Variants in PTPRS observed in about 807,000 individuals in gnomAD.
PTPRS encodes the protein receptor-type tyrosine-protein phosphatase S.
In PTPRS, 63 loss-of-function variants were observed where a neutral mutation model predicts 215.3. That is an observed-to-expected ratio of 0.29 (90% CI 0.24 to 0.36). PTPRS has a LOEUF of 0.36. Ranked by LOEUF, PTPRS falls within the 10% of genes least tolerant of loss-of-function variation. The pLI is 1.00. For synonymous variants in PTPRS, 1,404 were observed against 1,191.4 expected (o/e 1.18, Z -3.68); for missense variants, 2,258 against 2,825.8 (o/e 0.80, Z 4.56).
intron 1 of PTPRS, among the ~76,000 whole-genome samples, chr19:5,323,736 G>A (rs2050094169): frequency 6.6e-6 from 1 of 152,184 alleles, no homozygotes; most frequent in Non-Finnish European, 1.5e-5. Context: ...GGAGGACTTG[G>A]GGTTTTCCCC....
rs1237159914 is a variant in PTPRS at position 5,238,940 on chromosome 19, G to C, written c.1828C>G (p.Arg610Gly). Residue 610 changes from arginine to glycine, a missense_variant, in exon 13 of 38, where the codon CGG becomes GGG. This residue lies in a region of PTPRS where 371 missense variants were observed against 446.7 expected (regional missense o/e 0.83). Transcript: ENST00000262963. Reference sequence around the variant, plus strand: ...CTACTGGACTGCAGCGTGCGCTGCCGCACCACGGGGGTGAAGGCGCCCAGG... The same window carrying C: ...CTACTGGACTGCAGCGTGCGCTGCCCCACCACGGGGGTGAAGGCGCCCAGG... Reference protein sequence around the residue: ...QGLGAFTPVVRQRTLQSKPSA... With the variant: ...QGLGAFTPVVGQRTLQSKPSA... The C allele has an allele frequency of 1.9e-6, 3 of 1,608,862 alleles. No homozygotes were observed. The highest frequency in any genetic ancestry group is 1.1e-5 in the South Asian group (1 of 90,766).
intron 1 of PTPRS, among the ~76,000 whole-genome samples, chr19:5,312,822 C>G (rs1470802996): frequency 1.3e-5 from 2 of 152,192 alleles, no homozygotes. Context: ...AACTGAGCAT[C>G]GGAGAGGTCA....
chr19:5,245,898 T>C lies in PTPRS; in HGVS notation c.866A>G (p.Asp289Gly), dbSNP rs1399708087. The C allele has an allele frequency of 6.2e-7, 1 of 1,613,842 alleles. No individual in the cohort carries two copies. The highest frequency in any genetic ancestry group is 1.3e-5 in the African/African-American group (1 of 74,910). Residue 289 changes from aspartate to glycine, a missense_variant, in exon 10 of 38, where the codon GAT (aspartate) becomes GGT (glycine). Coordinates refer to ENST00000262963, the MANE Select transcript of PTPRS (RefSeq NM_002850.4). ...MQGAEDLTPE[D>G]DMPVGRNVLE... ...CACGTTCCGACCCACGGGCATGTCA[T>C]CCTCGGGGGTCAGGTCCTCGGCCCC...
At chr19:5,331,297 ATTTT>A (rs60930224) in intron 1 of PTPRS, among the ~76,000 whole-genome samples, 2 of 150,356 alleles carry the variant, frequency 1.3e-5, no homozygotes, top group Non-Finnish European at 3.0e-5. Context: ...CCCTCGGCTG[ATTTT>A]TTTTTGTTTT....
At chr19:5,215,677 TGA>T in intron 26 of PTPRS, 82 bp from the exon 27 acceptor site, 1 of 989,854 alleles carries the variant, frequency 1.0e-6, no homozygotes, top group East Asian at 2.5e-5. Flanking sequence ...GATCTACGTG[TGA>T]GTCTGCGATG....
intron 6 of PTPRS, among the ~76,000 whole-genome samples, chr19:5,262,476 G>A (rs1256211820): frequency 2.0e-5 from 3 of 152,204 alleles, no homozygotes; most frequent in South Asian, 2.1e-4. Context: ...CAGGCTGAAT[G>A]CTGAGAAAAG....
chr19:5,281,242 A>C (rs1451345072), intron 2 of PTPRS, among the ~76,000 whole-genome samples: 2 of 151,488 alleles, frequency 1.3e-5, no homozygotes, highest in African/African-American at 4.8e-5. Context: ...GGGAGGATCA[A>C]CTGAGGTCAG....
intron 1 of PTPRS, among the ~76,000 whole-genome samples, chr19:5,314,062 A>C (rs1458281243): frequency 6.6e-6 from 1 of 151,972 alleles, no homozygotes; most frequent in East Asian, 1.9e-4. Flanking sequence ...GCTTGAGCCC[A>C]GGAGGTCGAG....
chr19:5,231,792 G>T (rs544095397), intron 13 of PTPRS, among the ~76,000 whole-genome samples, 177 bp from the exon 14 acceptor site: 1 of 147,274 alleles, frequency 6.8e-6, no homozygotes, highest in African/African-American at 2.5e-5. Context: ...CCAAAGGTGG[G>T]ATGGGCGGGT....
intron 9 of PTPRS, among the ~76,000 whole-genome samples, chr19:5,254,842 T>C (rs968264125): frequency 6.6e-5 from 10 of 152,172 alleles, no homozygotes; most frequent in African/African-American, 2.4e-4. Flanking sequence ...CATTTCCTAA[T>C]GGGCACTTCT....
chr19:5,243,558 C>T (rs1236659136), intron 11 of PTPRS, among the ~76,000 whole-genome samples: 4 of 151,520 alleles, frequency 2.6e-5, no homozygotes, highest in Admixed American at 2.0e-4. Context: ...CAGCTCACTG[C>T]AACCTCCACC....
intron 2 of PTPRS, among the ~76,000 whole-genome samples, chr19:5,285,751 G>C (rs988418560): frequency 2.0e-5 from 3 of 152,250 alleles, no homozygotes; most frequent in Non-Finnish European, 4.4e-5. Context: ...AGAGGAAGCA[G>C]GTAAAATTAG....
At position 5,214,613 on chromosome 19, in the gene PTPRS, T is replaced by C. The variant is rs972894021; in HGVS notation, c.4442A>G (p.Glu1481Gly). Residue 1481 changes from glutamate (E) to glycine (G), a missense_variant, in exon 29 of 38, where the codon GAG (glutamate) becomes GGG (glycine). Around this residue, in one of 6 missense-constraint regions of PTPRS, gnomAD observed 927 missense variants for 1,125.9 expected, o/e 0.82. Coordinates refer to ENST00000262963, the MANE Select transcript of PTPRS (RefSeq NM_002850.4). ...TFGDFWRMVW[E>G]QRSATIVMMT... is the part of the protein sequence containing the mutation. ...CATGACGATGGTCGCCGACCGCTGCTCCCACACCATACGCCAGAAGTCCCC... is the reference window on the plus strand; with the variant it reads ...CATGACGATGGTCGCCGACCGCTGCCCCCACACCATACGCCAGAAGTCCCC... 6.2e-7 allele frequency: 1 copy of C among 1,613,084 alleles called. No individual in the cohort carries two copies.
chr19:5,220,157 G>A lies in PTPRS; in HGVS notation c.3550-3C>T, dbSNP rs1225460657. 1 of 1,610,330 alleles carries A rather than the reference G, an allele frequency of 6.2e-7. No individual in the cohort carries two copies. The highest frequency in any genetic ancestry group is 8.5e-7 in the Non-Finnish European group (1 of 1,178,210). On this transcript the variant is annotated splice_region_variant and splice_polypyrimidine_tract_variant and intron_variant, in intron 21 of 37. Coordinates refer to ENST00000262963, the MANE Select transcript of PTPRS (RefSeq NM_002850.4). ...AGCCGTGAGATGTCCTGGATGAGCT[G>A]CGGGAACAGAGTCATGGGTGGCTCA...
In PTPRS at chr19:5,219,293, G is replaced by A; in HGVS notation, c.3923+17C>T. The stretch of plus-strand genomic sequence containing the variant: ...CTCCCTGCTGTCAAGTCAAGTCGGG[G>A]AGGACATGGGGCTTACTTCTTGTAG... On this transcript the variant is annotated intron_variant, in intron 23 of 37. Coordinates refer to ENST00000262963, the MANE Select transcript of PTPRS (RefSeq NM_002850.4). 2.5e-6 allele frequency: 4 copies of A among 1,613,866 alleles called. No homozygotes were observed. The highest frequency in any genetic ancestry group is 3.4e-6 in the Non-Finnish European group (4 of 1,179,912).
At position 5,214,593 on chromosome 19, in the gene PTPRS, C is replaced by T. The variant is rs116515629; in HGVS notation, c.4462G>A (p.Val1488Ile). Residue 1488 changes from valine (V) to isoleucine (I), a missense_variant, in exon 29 of 38, where the codon GTC becomes ATC. This residue lies in a region of PTPRS where 927 missense variants were observed against 1,125.9 expected (regional missense o/e 0.82). Coordinates refer to ENST00000262963, the MANE Select transcript of PTPRS (RefSeq NM_002850.4). The part of the protein sequence containing the change: ...MVWEQRSATI[V>I]MMTRLEEKSR... ...TTCTCCTCCAGCCGCGTCATCATGA[C>T]GATGGTCGCCGACCGCTGCTCCCAC... 7.9e-5 allele frequency: 127 copies of T among 1,612,384 alleles called. 1 individual carries two copies. The East Asian group carries it at 1.2e-3, about 15-fold the overall frequency.
At chr19:5,267,917 C>A (rs892076146) in intron 4 of PTPRS, among the ~76,000 whole-genome samples, 10 of 152,074 alleles carry the variant, frequency 6.6e-5, no homozygotes, top group African/African-American at 2.4e-4. Flanking sequence ...CGCCTATAAT[C>A]CCAGCACTTT....
chr19:5,230,186 T>C (rs1482721867), intron 14 of PTPRS, among the ~76,000 whole-genome samples: 1 of 152,202 alleles, frequency 6.6e-6, no homozygotes, highest in South Asian at 2.1e-4. Flanking sequence ...ACCCCAGGGT[T>C]TGGCATAAAG....
chr19:5,255,140 T>C, intron 9 of PTPRS, among the ~76,000 whole-genome samples: 1 of 152,214 alleles, frequency 6.6e-6, no homozygotes, highest in East Asian at 1.9e-4. Flanking sequence ...CTGCTTAAGC[T>C]TCCTTCCAAC....
Sources: allele counts gnomAD v4.1 joint callset (sites outside exome capture counted in the v4.1 genomes callset), GRCh38; gene constraint gnomAD v4.1.1; regional missense constraint gnomAD v4.1.1; transcripts MANE v1.5; gene names NCBI Gene and HGNC (gene_info 2026-07-23, HGNC 2026-07-21).